The following SLC26A7 variants were observed in gnomAD, a reference collection of about 807,000 sequenced individuals.
The protein encoded by SLC26A7 is solute carrier family 26 member 7, also known as anion exchange transporter.
SLC26A7 carries 59 observed loss-of-function variants against 82.5 expected under a neutral mutation model. The observed-to-expected ratio is 0.72, with a 90% CI of 0.58 to 0.89. The LOEUF (loss-of-function observed/expected upper bound fraction) is 0.89. Ranked by LOEUF, SLC26A7 falls within the 40% of genes least tolerant of loss-of-function variation. The pLI, the probability that SLC26A7 is intolerant of heterozygous loss-of-function variation, is 0.00. For synonymous variants in SLC26A7, 271 were observed against 274.3 expected, an observed-to-expected ratio of 0.99 and a Z score of 0.12; for missense variants, 820 against 793.0, an observed-to-expected ratio of 1.03 and a Z score of -0.41.
intron 2 of SLC26A7, among the ~76,000 whole-genome samples, chr8:91,254,486 C>T (rs775460709): frequency 9.2e-5 from 14 of 152,088 alleles, no homozygotes; most frequent in Non-Finnish European, 2.1e-4. Context: ...CACCTAAGAC[C>T]ACAGAACCTT....
At chr8:91,269,272 G>A (rs1811202368) in intron 2 of SLC26A7, among the ~76,000 whole-genome samples, 1 of 151,230 alleles carries the variant, frequency 6.6e-6, no homozygotes, top group Non-Finnish European at 1.5e-5. Context: ...TGTAAGGCAG[G>A]TTTGGTACTG....
At chr8:91,390,706 C>G (rs995787526) in intron 16 of SLC26A7, among the ~76,000 whole-genome samples, 9 of 152,010 alleles carry the variant, frequency 5.9e-5, no homozygotes, top group African/African-American at 1.2e-4. Context: ...CTTTCCTCAC[C>G]ATTGATCTCT....
At chr8:91,307,678 T>A (rs1295366238) in intron 4 of SLC26A7, among the ~76,000 whole-genome samples, 1 of 122,314 alleles carries the variant, frequency 8.2e-6, no homozygotes, top group Non-Finnish European at 1.7e-5. Context: ...AGGGATAGCA[T>A]TGGGAGATAT....
intron 2 of SLC26A7, among the ~76,000 whole-genome samples, chr8:91,268,425 C>T (rs1385125512): frequency 6.6e-6 from 1 of 151,604 alleles, no homozygotes; most frequent in Admixed American, 6.6e-5. Context: ...TGACATAATG[C>T]CTATTTTATT....
intron 5 of SLC26A7, among the ~76,000 whole-genome samples, chr8:91,318,626 A>G (rs1240357688): frequency 1.3e-5 from 2 of 151,726 alleles, no homozygotes; most frequent in African/African-American, 2.4e-5. Flanking sequence ...CATAATTAGA[A>G]AAAAAAAACC....
intron 4 of SLC26A7, among the ~76,000 whole-genome samples, chr8:91,303,701 G>T (rs78827523): frequency 0.055 from 8,341 of 152,220 alleles, 270 homozygotes; most frequent in African/African-American, 0.069. Context: ...CTAAATAGGA[G>T]ATTCTTCAAT....
At chr8:91,253,085 A>G (rs1328060068) in intron 2 of SLC26A7, among the ~76,000 whole-genome samples, 1 of 152,134 alleles carries the variant, frequency 6.6e-6, no homozygotes, top group Non-Finnish European at 1.5e-5. Context: ...AATAATAACA[A>G]CAGTAATTTT....
intron 8 of SLC26A7, 85 bp downstream of exon 8, chr8:91,340,636 A>G: frequency 6.5e-7 from 1 of 1,547,344 alleles, no homozygotes; most frequent in South Asian, 1.1e-5. Context: ...GAACTTATGA[A>G]AAATAAAACT....
intron 2 of SLC26A7, among the ~76,000 whole-genome samples, chr8:91,234,033 T>C (rs1400721543): frequency 6.6e-6 from 1 of 152,200 alleles, no homozygotes; most frequent in Non-Finnish European, 1.5e-5. Flanking sequence ...GGTAGAAAAC[T>C]GAAACAAGAA....
intron 4 of SLC26A7, among the ~76,000 whole-genome samples, chr8:91,304,458 A>G (rs1003668384): frequency 2.0e-5 from 3 of 152,102 alleles, no homozygotes; most frequent in African/African-American, 7.2e-5. Context: ...CCCTTTTGCC[A>G]TGATTGTCAG....
chr8:91,298,496 G>C (rs1812075438), intron 4 of SLC26A7, among the ~76,000 whole-genome samples: 1 of 151,952 alleles, frequency 6.6e-6, no homozygotes, highest in Admixed American at 6.6e-5. Context: ...ACATTACTTA[G>C]AGAACAAAGT....
intron 3 of SLC26A7, among the ~76,000 whole-genome samples, chr8:91,292,685 G>A (rs558017718): frequency 6.6e-6 from 1 of 151,858 alleles, no homozygotes; most frequent in Non-Finnish European, 1.5e-5. Flanking sequence ...CATGAAACAT[G>A]CTGTTTTGCT....
At chr8:91,328,355 T>C (rs1211505317) in intron 5 of SLC26A7, among the ~76,000 whole-genome samples, 11 of 152,152 alleles carry the variant, frequency 7.2e-5, no homozygotes, top group Non-Finnish European at 1.5e-4. Flanking sequence ...AAAATTTGAC[T>C]ATATCAAAGA....
chr8:91,212,298 T>G (rs561503048), intron 1 of SLC26A7, among the ~76,000 whole-genome samples: 1 of 152,212 alleles, frequency 6.6e-6, no homozygotes, highest in Admixed American at 6.5e-5. Flanking sequence ...AGATATGCAT[T>G]TAATAGTTTT....
chr8:91,222,619 G>A (rs868198735), intron 2 of SLC26A7, among the ~76,000 whole-genome samples: 2 of 152,106 alleles, frequency 1.3e-5, no homozygotes, highest in Non-Finnish European at 2.9e-5. Flanking sequence ...ATAATCATGT[G>A]TTTTTTGTCA....
intron 2 of SLC26A7, among the ~76,000 whole-genome samples, chr8:91,265,965 C>T (rs1306397776): frequency 6.6e-6 from 1 of 151,880 alleles, no homozygotes; most frequent in Non-Finnish European, 1.5e-5. Context: ...TCTATTTTTG[C>T]TTTTGTTGCC....
Position 91,340,386 on chromosome 8 carries a change from T to C in SLC26A7, c.879-18T>C, listed in dbSNP as rs1813369439. On this transcript the variant is annotated intron_variant, in intron 7 of 18. Transcript: ENST00000276609. The stretch of plus-strand genomic sequence containing the variant: ...TACATGAAGTTTGATGACTTCAATA[T>C]GGTCCTTCTTTCCACAGAATTCCCT... 1 of 1,612,286 alleles carries C rather than the reference T, an allele frequency of 6.2e-7. No homozygotes were observed. Among genetic ancestry groups the C allele is most frequent in the Non-Finnish European group, 8.5e-7 (1 of 1,178,886 alleles).
intron 18 of SLC26A7, 64 bp downstream of exon 18, chr8:91,394,103 G>C (rs1808493647): frequency 4.2e-5 from 66 of 1,587,542 alleles, no homozygotes; most frequent in Non-Finnish European, 5.6e-5. Flanking sequence ...TCGAAGCTTT[G>C]CATCTTTTAT....
chr8:91,268,964 C>A (rs1811191389), intron 2 of SLC26A7, among the ~76,000 whole-genome samples: 1 of 151,590 alleles, frequency 6.6e-6, no homozygotes, highest in South Asian at 2.1e-4. Flanking sequence ...CTAACAAAAA[C>A]AAACTTTGTA....
Sources: gnomAD v4.1 joint callset for allele counts (sites outside exome capture counted in the v4.1 genomes callset) on GRCh38, gnomAD v4.1.1 for gene constraint, MANE v1.5 for transcripts, NCBI Gene and HGNC (gene_info 2026-07-23, HGNC 2026-07-21) for gene names.